PDE3A: variants seen among roughly 807,000 people sequenced by gnomAD.
PDE3A encodes the protein phosphodiesterase 3A, also known as cGMP-inhibited 3',5'-cyclic phosphodiesterase 3A.
In PDE3A, 43 loss-of-function variants were observed where a neutral mutation model predicts 98.3. The ratio of observed to expected loss-of-function variants is 0.44; its 90% CI spans 0.34 to 0.56. PDE3A has a LOEUF of 0.56. Among genes scored for constraint, PDE3A ranks in the 20% least tolerant of loss-of-function variants. PDE3A has a pLI of 0.01. For synonymous variants in PDE3A, 663 were observed against 567.9 expected (o/e 1.17, Z -2.38); for missense variants, 1,427 against 1,440.7 (o/e 0.99, Z 0.15).
intron 1 of PDE3A, among the ~76,000 whole-genome samples, chr12:20,385,983 T>TAATATATATA (rs1943753042): frequency 1.4e-5 from 1 of 69,900 alleles, no homozygotes; most frequent in Non-Finnish European, 2.8e-5. Context: ...TATTAATATA[T>TAATATATATA]AATATATATA....
intron 14 of PDE3A, among the ~76,000 whole-genome samples, chr12:20,651,403 A>G (rs1565463521): frequency 6.6e-6 from 1 of 152,234 alleles, no homozygotes; most frequent in East Asian, 1.9e-4. Context: ...TTGGGGAAAT[A>G]TAACTGTCTT....
intron 2 of PDE3A, among the ~76,000 whole-genome samples, chr12:20,606,143 G>C (rs1943705227): frequency 6.6e-6 from 1 of 151,984 alleles, no homozygotes. Context: ...CATTTCTCCA[G>C]TCTTTTTCTG....
At chr12:20,468,016 C>T (rs566659460) in intron 1 of PDE3A, among the ~76,000 whole-genome samples, 42 of 114,442 alleles carry the variant, frequency 3.7e-4, no homozygotes, top group African/African-American at 1.3e-3. Context: ...TCTTGAAACA[C>T]TTATAAAATT....
chr12:20,669,147 G>GA (rs1387148199), intron 15 of PDE3A, among the ~76,000 whole-genome samples: 1 of 152,006 alleles, frequency 6.6e-6, no homozygotes, highest in Non-Finnish European at 1.5e-5. Flanking sequence ...GAAGTGTAGA[G>GA]AAAAAAGAAT....
chr12:20,659,178 A>G (rs1945104779), intron 15 of PDE3A, among the ~76,000 whole-genome samples: 1 of 151,458 alleles, frequency 6.6e-6, no homozygotes, highest in African/African-American at 2.4e-5. Context: ...TTTCCTTTTG[A>G]CTCTGCCTGT....
In PDE3A at chr12:20,686,381, A is replaced by G. The variant is rs1945962150; in HGVS notation, c.*6110A>G. Reference sequence around the variant, plus strand: ...TAAGTTCTAACACAAAAGGCCAAATACTTATCTTTCCTACTAAGAAAAATT... The same window carrying G: ...TAAGTTCTAACACAAAAGGCCAAATGCTTATCTTTCCTACTAAGAAAAATT... On this transcript the variant is annotated 3_prime_UTR_variant, in exon 16 of 16. Transcript: ENST00000359062. Among the ~76,000 whole-genome samples the G allele has an allele frequency of 6.6e-6, 1 of 152,182 alleles. No individual in the cohort carries two copies. The highest frequency in any genetic ancestry group is 1.5e-5 in the Non-Finnish European group (1 of 68,006).
Position 20,498,072 on chromosome 12 carries a change from G to A in PDE3A, c.961-58588G>A, listed in dbSNP as rs112459475. On this transcript the variant is annotated intron_variant, in intron 1 of 15. Coordinates refer to ENST00000359062, the MANE Select transcript of PDE3A (RefSeq NM_000921.5). ...TATACGGTAGGCTAAAAGGAGTACT[G>A]GTTAGAAAAATTATCAAACTATATC... 3.3e-3 allele frequency among the ~76,000 whole-genome samples: 501 copies of A among 152,206 alleles called. 7 individuals carry two copies. The highest frequency in any genetic ancestry group is 0.011 in the African/African-American group (471 of 41,540).
chr12:20,386,860 T>G (rs760814847), intron 1 of PDE3A, among the ~76,000 whole-genome samples: 19 of 152,130 alleles, frequency 1.2e-4, no homozygotes, highest in Non-Finnish European at 2.5e-4. Context: ...GCCTATGTCC[T>G]AAATGATATT....
chr12:20,646,013 G>A (rs1031855974), intron 10 of PDE3A, among the ~76,000 whole-genome samples: 1 of 152,108 alleles, frequency 6.6e-6, no homozygotes, highest in African/African-American at 2.4e-5. Flanking sequence ...AGTGCTTTAA[G>A]ATTGATACAG....
chr12:20,533,959 C>CT (rs1056793464), intron 1 of PDE3A, among the ~76,000 whole-genome samples: 2 of 152,036 alleles, frequency 1.3e-5, no homozygotes, highest in African/African-American at 2.4e-5. Flanking sequence ...GTGCGCCCGT[C>CT]TTTTTTCTGA....
chr12:20,388,236 A>T (rs1943848277), intron 1 of PDE3A, among the ~76,000 whole-genome samples: 1 of 151,940 alleles, frequency 6.6e-6, no homozygotes, highest in African/African-American at 2.4e-5. Context: ...ATCCTTTTGC[A>T]TTCCTAATTT....
intron 15 of PDE3A, among the ~76,000 whole-genome samples, chr12:20,664,984 C>A (rs923764703): frequency 1.3e-5 from 2 of 152,132 alleles, no homozygotes; most frequent in African/African-American, 2.4e-5. Context: ...GTTGCCAAGT[C>A]CTGTTGATTC....
intron 1 of PDE3A, among the ~76,000 whole-genome samples, chr12:20,374,234 A>G (rs1943531054): frequency 6.6e-6 from 1 of 152,132 alleles, no homozygotes; most frequent in Admixed American, 6.5e-5. Flanking sequence ...CAAAAATTGT[A>G]ATTTTACTTT....
At chr12:20,473,072 C>A (rs1158402760) in intron 1 of PDE3A, among the ~76,000 whole-genome samples, 1 of 152,018 alleles carries the variant, frequency 6.6e-6, no homozygotes, top group Non-Finnish European at 1.5e-5. Context: ...TAAGATAGAT[C>A]TTAGAAATGG....
intron 15 of PDE3A, among the ~76,000 whole-genome samples, chr12:20,656,087 T>C (rs555238848): frequency 1.2e-4 from 19 of 152,350 alleles, no homozygotes; most frequent in Middle Eastern, 3.4e-3. Flanking sequence ...CCATGACCCT[T>C]GCAATGATAT....
At chr12:20,551,128 G>A (rs1319280097) in intron 1 of PDE3A, among the ~76,000 whole-genome samples, 2 of 151,732 alleles carry the variant, frequency 1.3e-5, no homozygotes, top group African/African-American at 4.8e-5. Context: ...ATAGGCAATA[G>A]TAGTATCTTG....
intron 1 of PDE3A, among the ~76,000 whole-genome samples, chr12:20,536,993 T>C (rs1161224501): frequency 6.6e-6 from 1 of 152,066 alleles, no homozygotes; most frequent in Non-Finnish European, 1.5e-5. Flanking sequence ...ATGCATCACT[T>C]TGCATTTCCA....
intron 1 of PDE3A, among the ~76,000 whole-genome samples, chr12:20,501,558 A>G (rs889124351): frequency 6.6e-6 from 1 of 152,208 alleles, no homozygotes; most frequent in Non-Finnish European, 1.5e-5. Context: ...ATTTACTTCA[A>G]TAGACGTGAT....
intron 1 of PDE3A, among the ~76,000 whole-genome samples, chr12:20,384,309 A>G (rs1199608075): frequency 6.6e-6 from 1 of 151,856 alleles, no homozygotes; most frequent in Admixed American, 6.6e-5. Flanking sequence ...CTAATCAAGC[A>G]TCTCAAACTC....
Sources: gnomAD v4.1 joint callset for allele counts (sites outside exome capture counted in the v4.1 genomes callset) on GRCh38, gnomAD v4.1.1 for gene constraint, MANE v1.5 for transcripts, NCBI Gene and HGNC (gene_info 2026-07-23, HGNC 2026-07-21) for gene names.